The following SPAG16 variants were observed in gnomAD, a reference collection of about 807,000 sequenced individuals.
The protein encoded by SPAG16 is sperm-associated antigen 16 protein.
In SPAG16, 86 loss-of-function variants were observed where a neutral mutation model predicts 80.4. The observed-to-expected ratio is 1.07, with a 90% CI of 0.90 to 1.28. The LOEUF (loss-of-function observed/expected upper bound fraction) is 1.28, where lower values mean the gene tolerates loss of function less well. SPAG16 is among the 50% of genes most tolerant of loss of function. The pLI, the probability that SPAG16 is intolerant of heterozygous loss-of-function variation, is 0.00. For synonymous variants in SPAG16, 294 were observed against 265.9 expected (o/e 1.11, Z -1.03); for missense variants, 870 against 765.3 (o/e 1.14, Z -1.61).
At chr2:213,927,948 T>G (rs187217288) in intron 11 of SPAG16, among the ~76,000 whole-genome samples, 1 of 152,354 alleles carries the variant, frequency 6.6e-6, no homozygotes, top group South Asian at 2.1e-4. Flanking sequence ...TCTTTAATAT[T>G]AAAAACTAAA....
chr2:214,155,019 G>C (rs920151325), intron 15 of SPAG16, among the ~76,000 whole-genome samples: 2 of 152,168 alleles, frequency 1.3e-5, no homozygotes, highest in Non-Finnish European at 2.9e-5. Context: ...AAGTTTCTAG[G>C]TTTCAACTCA....
intron 10 of SPAG16, among the ~76,000 whole-genome samples, chr2:213,578,918 C>T (rs2060214640): frequency 6.6e-6 from 1 of 150,578 alleles, no homozygotes; most frequent in Admixed American, 6.6e-5. Context: ...AAAATTATAA[C>T]AGTTTCTCAA....
At chr2:213,810,742 G>A (rs2072085400) in intron 10 of SPAG16, among the ~76,000 whole-genome samples, 1 of 152,180 alleles carries the variant, frequency 6.6e-6, no homozygotes, top group African/African-American at 2.4e-5. Flanking sequence ...GTACTAGGGT[G>A]GGGAGCAGAA....
chr2:213,537,259 A>G (rs796259495), intron 10 of SPAG16, among the ~76,000 whole-genome samples: 3 of 151,960 alleles, frequency 2.0e-5, no homozygotes, highest in African/African-American at 7.3e-5. Context: ...ACATGTATAC[A>G]TATGTAACTA....
intron 5 of SPAG16, among the ~76,000 whole-genome samples, chr2:213,331,118 T>A (rs2064083202): frequency 6.6e-6 from 1 of 152,224 alleles, no homozygotes; most frequent in African/African-American, 2.4e-5. Context: ...TTTCTTTTAC[T>A]TTTCCTTCAC....
intron 11 of SPAG16, among the ~76,000 whole-genome samples, chr2:213,880,968 C>T (rs563223326): frequency 3.2e-4 from 49 of 152,144 alleles, no homozygotes; most frequent in African/African-American, 1.2e-3. Flanking sequence ...TTTGGTTCCG[C>T]ATGAATTTTT....
Position 214,282,529 on chromosome 2 carries a change from T to G in SPAG16, c.1721-127611T>G, listed in dbSNP as rs80286890. On this transcript the variant is annotated intron_variant, in intron 15 of 15. Coordinates refer to ENST00000331683, the MANE Select transcript of SPAG16 (RefSeq NM_024532.5). ...AGGAAGCTTTATCTGGGAATTGCATTATTTCCTAGTGATTCTTACTACCTA... is the reference window on the plus strand; with the variant it reads ...AGGAAGCTTTATCTGGGAATTGCATGATTTCCTAGTGATTCTTACTACCTA... Among the ~76,000 whole-genome samples, 31 of 152,296 alleles carry G rather than the reference T, an allele frequency of 2.0e-4. 1 individual carries two copies. The East Asian group carries it at 6.0e-3, about 29-fold the overall frequency.
chr2:214,078,973 A>T (rs145492732), intron 13 of SPAG16, among the ~76,000 whole-genome samples: 3 of 152,304 alleles, frequency 2.0e-5, no homozygotes, highest in African/African-American at 7.2e-5. Context: ...AGGCAGCAAC[A>T]ACCAACGAGA....
chr2:213,484,997 T>C (rs1050570563), intron 9 of SPAG16, among the ~76,000 whole-genome samples: 1 of 148,476 alleles, frequency 6.7e-6, no homozygotes, highest in East Asian at 1.9e-4. Context: ...TATTTTTCTT[T>C]TCTTTTTTTT....
chr2:213,518,362 G>A (rs771919042), intron 10 of SPAG16, among the ~76,000 whole-genome samples: 2 of 152,158 alleles, frequency 1.3e-5, no homozygotes, highest in African/African-American at 2.4e-5. Context: ...CAAAGTCCTG[G>A]GCTCAAGGGA....
intron 9 of SPAG16, among the ~76,000 whole-genome samples, chr2:213,479,426 A>G (rs2073629176): frequency 6.6e-6 from 1 of 151,972 alleles, no homozygotes; most frequent in South Asian, 2.1e-4. Flanking sequence ...TCTCCTCAAT[A>G]TATTATAAGC....
At chr2:213,738,193 AT>A (rs2067381882) in intron 10 of SPAG16, among the ~76,000 whole-genome samples, 3 of 152,308 alleles carry the variant, frequency 2.0e-5, no homozygotes, top group African/African-American at 4.8e-5. Context: ...TAGAGCCAGT[AT>A]AGTTAAGTAT....
intron 11 of SPAG16, among the ~76,000 whole-genome samples, chr2:213,918,357 T>C (rs2078061155): frequency 6.6e-6 from 1 of 152,170 alleles, no homozygotes; most frequent in African/African-American, 2.4e-5. Flanking sequence ...GAGCTCTTCA[T>C]TGTATACATA....
chr2:213,766,460 A>C (rs1184769412), intron 10 of SPAG16, among the ~76,000 whole-genome samples: 1 of 152,242 alleles, frequency 6.6e-6, no homozygotes, highest in Non-Finnish European at 1.5e-5. Context: ...TCAGCAGCTC[A>C]GCTGAAATTA....
At chr2:214,198,328 T>G (rs2057905969) in intron 15 of SPAG16, among the ~76,000 whole-genome samples, 1 of 152,094 alleles carries the variant, frequency 6.6e-6, no homozygotes, top group Non-Finnish European at 1.5e-5. Context: ...TAGCTTTCAC[T>G]TACAAGTGAG....
chr2:213,422,691 G>C (rs1391649008), intron 9 of SPAG16, among the ~76,000 whole-genome samples: 1 of 152,284 alleles, frequency 6.6e-6, no homozygotes, highest in East Asian at 1.9e-4. Flanking sequence ...ACACAAGAAT[G>C]CAATTCTCTA....
intron 15 of SPAG16, among the ~76,000 whole-genome samples, chr2:214,306,846 T>C (rs903297608): frequency 3.9e-5 from 6 of 152,022 alleles, no homozygotes; most frequent in African/African-American, 1.4e-4. Flanking sequence ...TTTTGTTTTG[T>C]TTTTGTTATT....
chr2:214,154,946 T>C (rs555607908), intron 15 of SPAG16, among the ~76,000 whole-genome samples: 1 of 152,210 alleles, frequency 6.6e-6, no homozygotes, highest in African/African-American at 2.4e-5. Flanking sequence ...AAAACTGTAA[T>C]ACCTGAGAGA....
At position 214,009,732 on chromosome 2, in the gene SPAG16, A is replaced by G. The variant is rs58561514; in HGVS notation, c.1401-4219A>G. On this transcript the variant is annotated intron_variant, in intron 12 of 15. Coordinates refer to ENST00000331683, the MANE Select transcript of SPAG16 (RefSeq NM_024532.5). ...AATGGAGAAGAGATACACGTCAGGGATTGGGTCAACAGCACACGAGGTGAA... is the reference window on the plus strand; with the variant it reads ...AATGGAGAAGAGATACACGTCAGGGGTTGGGTCAACAGCACACGAGGTGAA... 9.8e-3 allele frequency among the ~76,000 whole-genome samples: 1,489 copies of G among 152,236 alleles called. 26 individuals are homozygous for G. Among genetic ancestry groups the G allele is most frequent in the African/African-American group, 0.033 (1,366 of 41,516 alleles).
Sources: gnomAD v4.1 joint callset for allele counts (sites outside exome capture counted in the v4.1 genomes callset) on GRCh38, gnomAD v4.1.1 for gene constraint, MANE v1.5 for transcripts, NCBI Gene and HGNC (gene_info 2026-07-23, HGNC 2026-07-21) for gene names.